The following GALNTL6 variants were observed in gnomAD, a reference collection of about 807,000 sequenced individuals.
The protein encoded by GALNTL6 is polypeptide N-acetylgalactosaminyltransferase like 6, also known as polypeptide N-acetylgalactosaminyltransferase-like 6.
GALNTL6 carries 46 observed loss-of-function variants against 73.7 expected under a neutral mutation model. That is an observed-to-expected ratio of 0.62 (90% CI 0.49 to 0.80). The LOEUF (loss-of-function observed/expected upper bound fraction) is 0.80. Among genes scored for constraint, GALNTL6 ranks in the 30% least tolerant of loss-of-function variants. The probability of loss-of-function intolerance (pLI) is 0.00; values close to 1 mark genes in which losing one functional copy is unlikely to be tolerated. For synonymous variants in GALNTL6, 259 were observed against 263.7 expected (o/e 0.98, Z 0.17); for missense variants, 604 against 755.0 (o/e 0.80, Z 2.34).
chr4:171,998,366 T>G (rs906244293), intron 2 of GALNTL6, among the ~76,000 whole-genome samples: 61 of 152,262 alleles, frequency 4.0e-4, no homozygotes, highest in African/African-American at 1.4e-3. Flanking sequence ...TTGAGGCCTC[T>G]TTCCTGGGCT....
chr4:172,059,757 T>C (rs1731139071), intron 2 of GALNTL6, among the ~76,000 whole-genome samples: 1 of 152,216 alleles, frequency 6.6e-6, no homozygotes, highest in African/African-American at 2.4e-5. Context: ...CTATGTTTAT[T>C]TGAAGTTTTA....
intron 3 of GALNTL6, among the ~76,000 whole-genome samples, chr4:172,249,101 T>C (rs549639335): frequency 2.0e-5 from 3 of 152,286 alleles, no homozygotes; most frequent in South Asian, 2.1e-4. Flanking sequence ...CAGGAGAATG[T>C]GGGAAAGTTT....
chr4:172,533,886 T>C (rs1735253075), intron 5 of GALNTL6, among the ~76,000 whole-genome samples: 1 of 152,232 alleles, frequency 6.6e-6, no homozygotes, highest in Non-Finnish European at 1.5e-5. Context: ...CTGAGATTCA[T>C]TCTACCTTCA....
intron 2 of GALNTL6, among the ~76,000 whole-genome samples, chr4:172,123,411 T>C (rs1169738707): frequency 1.7e-5 from 2 of 119,772 alleles, no homozygotes; most frequent in East Asian, 4.0e-4. Context: ...AATTGCTGTA[T>C]TAACTACGAT....
chr4:171,886,143 G>A (rs1736601275), intron 2 of GALNTL6, among the ~76,000 whole-genome samples: 1 of 151,804 alleles, frequency 6.6e-6, no homozygotes, highest in South Asian at 2.1e-4. Context: ...GTATTTTAAG[G>A]TAGAAAATAA....
At chr4:172,571,803 T>C (rs1481217385) in intron 5 of GALNTL6, among the ~76,000 whole-genome samples, 1 of 152,222 alleles carries the variant, frequency 6.6e-6, no homozygotes, top group African/African-American at 2.4e-5. Context: ...TCTAATAACA[T>C]GTTTTCATGG....
intron 7 of GALNTL6, among the ~76,000 whole-genome samples, chr4:172,875,394 A>T (rs754554269): frequency 2.0e-5 from 3 of 152,236 alleles, no homozygotes; most frequent in Non-Finnish European, 2.9e-5. Flanking sequence ...GAATATAAAA[A>T]GGAACCCAAA....
chr4:172,539,907 A>ATATATATATATATAT (rs1054014774), intron 5 of GALNTL6, among the ~76,000 whole-genome samples: 1 of 98,326 alleles, frequency 1.0e-5, no homozygotes, highest in Non-Finnish European at 2.1e-5. Context: ...ATATATATAT[A>ATATATATATATATAT]AAAAATCTCA....
intron 2 of GALNTL6, among the ~76,000 whole-genome samples, chr4:172,190,659 A>G (rs191608571): frequency 1.4e-4 from 21 of 152,176 alleles, no homozygotes; most frequent in Non-Finnish European, 2.9e-4. Context: ...GGATATTAGA[A>G]CCAGGCCATA....
intron 5 of GALNTL6, among the ~76,000 whole-genome samples, chr4:172,700,005 C>G (rs561915104): frequency 6.6e-6 from 1 of 151,810 alleles, no homozygotes; most frequent in Non-Finnish European, 1.5e-5. Context: ...CAAATGATAC[C>G]AAGAAACTTC....
At chr4:172,901,817 C>A (rs1025458635) in intron 8 of GALNTL6, among the ~76,000 whole-genome samples, 1 of 152,074 alleles carries the variant, frequency 6.6e-6, no homozygotes, top group Non-Finnish European at 1.5e-5. Context: ...AAATTTCATG[C>A]CATAACATAA....
chr4:171,838,570 T>C (rs1225866784), intron 2 of GALNTL6, among the ~76,000 whole-genome samples: 2 of 152,194 alleles, frequency 1.3e-5, no homozygotes, highest in Non-Finnish European at 2.9e-5. Context: ...ATATATTCAC[T>C]GTACTTCTTT....
At chr4:172,624,628 A>G (rs1250031957) in intron 5 of GALNTL6, among the ~76,000 whole-genome samples, 1 of 152,078 alleles carries the variant, frequency 6.6e-6, no homozygotes, top group Non-Finnish European at 1.5e-5. Context: ...AGGGAAGACA[A>G]ACATTGAGGA....
intron 2 of GALNTL6, among the ~76,000 whole-genome samples, chr4:171,987,989 C>A (rs1209569451): frequency 6.6e-6 from 1 of 152,036 alleles, no homozygotes; most frequent in Non-Finnish European, 1.5e-5. Context: ...AGCCGGGGAG[C>A]AGAAAGTATA....
chr4:172,638,900 T>A (rs1468426860), intron 5 of GALNTL6, among the ~76,000 whole-genome samples: 1 of 152,140 alleles, frequency 6.6e-6, no homozygotes, highest in Non-Finnish European at 1.5e-5. Context: ...ACCATTTATT[T>A]TGTCAAATGT....
chr4:172,028,980 CTT>C (rs1444310700), intron 2 of GALNTL6, among the ~76,000 whole-genome samples: 1 of 151,812 alleles, frequency 6.6e-6, no homozygotes, highest in Admixed American at 6.6e-5. Context: ...TAAGAAATGT[CTT>C]TTTCTAATAT....
chr4:171,942,558 T>TA (rs1239638050), intron 2 of GALNTL6, among the ~76,000 whole-genome samples: 14 of 152,216 alleles, frequency 9.2e-5, no homozygotes, highest in Admixed American at 3.3e-4. Flanking sequence ...ATTTCACTCC[T>TA]AAGTCTGTTT....
At chr4:172,459,864 C>T (rs773612386) in intron 5 of GALNTL6, among the ~76,000 whole-genome samples, 1 of 152,126 alleles carries the variant, frequency 6.6e-6, no homozygotes, top group Non-Finnish European at 1.5e-5. Flanking sequence ...AAAAAAACTA[C>T]TTTAAATTTC....
In GALNTL6 at chr4:173,040,789, A is replaced by T. The variant is rs1753867328; in HGVS notation, c.*689A>T. ...TCTTTTTTATGAAAGTTCATGCTCCATGAATCCACTGAATTTCTAATTCAG... is the reference window on the plus strand; with the variant it reads ...TCTTTTTTATGAAAGTTCATGCTCCTTGAATCCACTGAATTTCTAATTCAG... On this transcript the variant is annotated 3_prime_UTR_variant, in exon 13 of 13. Transcript: ENST00000506823. The T allele has an allele frequency of 1.3e-5, 2 of 152,356 alleles. No individual in the cohort carries two copies. Among genetic ancestry groups the T allele is most frequent in the African/African-American group, 2.4e-5 (1 of 41,326 alleles). The allele number at this position is 152,356 out of a possible 1,614,324, so 9.4% of individuals were successfully genotyped here. A position where few individuals can be genotyped will look rare whatever the true frequency, so the allele number is the denominator to read the frequency against.
Sources: gnomAD v4.1 joint callset for allele counts (sites outside exome capture counted in the v4.1 genomes callset) on GRCh38, gnomAD v4.1.1 for gene constraint, MANE v1.5 for transcripts, NCBI Gene and HGNC (gene_info 2026-07-23, HGNC 2026-07-21) for gene names.